DPF3: variants seen among roughly 807,000 people sequenced by gnomAD.
DPF3 encodes the protein double PHD fingers 3.
Under a neutral mutation model 56.8 loss-of-function variants are expected in DPF3, and 18 were observed. That is an observed-to-expected ratio of 0.32 (90% CI 0.22 to 0.47). The LOEUF is 0.47. Among genes scored for constraint, DPF3 ranks in the 20% least tolerant of loss-of-function variants. The pLI, the probability that DPF3 is intolerant of heterozygous loss-of-function variation, is 1.00. For missense variants in DPF3, 403 were observed against 488.8 expected (o/e 0.82, Z 1.65); for synonymous variants, 188 against 180.2 (o/e 1.04, Z -0.35).
intron 1 of DPF3, among the ~76,000 whole-genome samples, chr14:72,882,902 AG>A (rs1886373969): frequency 6.6e-6 from 1 of 152,174 alleles, no homozygotes; most frequent in Admixed American, 6.5e-5. Flanking sequence ...CCAAAAAACA[AG>A]GGTCTAGGAG....
chr14:72,842,536 T>A lies in DPF3; in HGVS notation c.32+51521A>T, dbSNP rs1227260142. 2.0e-5 allele frequency among the ~76,000 whole-genome samples: 3 copies of A among 152,000 alleles called. No homozygotes were observed. In the East Asian group the frequency reaches 5.8e-4, roughly 29 times the overall value. On this transcript the variant is annotated intron_variant, in intron 1 of 10. Transcript: ENST00000556509. ...TTAGACTCAGAATAGTCACCCTTGG[T>A]GGGATGGGGTAGGGAGCGTTGGGGT...
At chr14:72,672,501 G>A (rs1337485676) in intron 8 of DPF3, among the ~76,000 whole-genome samples, 4 of 152,116 alleles carry the variant, frequency 2.6e-5, no homozygotes, top group African/African-American at 9.7e-5. Flanking sequence ...AACTATTTCA[G>A]GAACATTAGA....
At chr14:72,759,353 G>A (rs1026963226) in intron 2 of DPF3, among the ~76,000 whole-genome samples, 66 of 152,180 alleles carry the variant, frequency 4.3e-4, no homozygotes, top group African/African-American at 1.6e-3. Context: ...TTGAAGAAAG[G>A]GAAGAAAAAA....
intron 8 of DPF3, among the ~76,000 whole-genome samples, chr14:72,643,035 G>A (rs1885608067): frequency 6.6e-6 from 1 of 152,190 alleles, no homozygotes; most frequent in African/African-American, 2.4e-5. Context: ...AAGAAGTTGA[G>A]GCTCAGAATG....
intron 1 of DPF3, among the ~76,000 whole-genome samples, chr14:72,868,338 G>A (rs1358722542): frequency 6.6e-6 from 1 of 152,132 alleles, no homozygotes; most frequent in Non-Finnish European, 1.5e-5. Context: ...GCATTTTTGA[G>A]GGGCCTAAAG....
At chr14:72,865,921 C>G (rs1885644306) in intron 1 of DPF3, among the ~76,000 whole-genome samples, 1 of 152,102 alleles carries the variant, frequency 6.6e-6, no homozygotes, top group Non-Finnish European at 1.5e-5. Context: ...GTGATGTGCA[C>G]CTGTAATCCC....
intron 8 of DPF3, among the ~76,000 whole-genome samples, chr14:72,658,211 A>G (rs1886109567): frequency 6.6e-6 from 1 of 152,204 alleles, no homozygotes; most frequent in South Asian, 2.1e-4. Context: ...CCCATTCTTT[A>G]TGAGTGCTTA....
chr14:72,869,695 G>A (rs1364957932), intron 1 of DPF3, among the ~76,000 whole-genome samples: 3 of 152,020 alleles, frequency 2.0e-5, no homozygotes, highest in African/African-American at 7.2e-5. Flanking sequence ...AAGAGGGCTG[G>A]GAGAGAGAGA....
At chr14:72,747,806 GT>G (rs1890388208) in intron 3 of DPF3, among the ~76,000 whole-genome samples, 2 of 152,040 alleles carry the variant, frequency 1.3e-5, no homozygotes, top group Non-Finnish European at 1.5e-5. Flanking sequence ...AGATCTGATG[GT>G]TTTAAAAACA....
intron 6 of DPF3, among the ~76,000 whole-genome samples, chr14:72,707,197 G>A (rs1327904758): frequency 2.0e-5 from 3 of 152,118 alleles, no homozygotes; most frequent in Admixed American, 1.3e-4. Flanking sequence ...TGGTGTACAT[G>A]TGCCACATTT....
chr14:72,865,773 G>T (rs1567263110), intron 1 of DPF3, among the ~76,000 whole-genome samples: 1 of 152,208 alleles, frequency 6.6e-6, no homozygotes. Flanking sequence ...TAGGCCGGGT[G>T]CATCGGCTCA....
At chr14:72,751,851 C>T (rs1445385184) in intron 3 of DPF3, among the ~76,000 whole-genome samples, 2 of 152,060 alleles carry the variant, frequency 1.3e-5, no homozygotes, top group Admixed American at 6.5e-5. Flanking sequence ...CTAGGAGAAC[C>T]TGATCTCCTA....
intron 9 of DPF3, among the ~76,000 whole-genome samples, chr14:72,626,408 T>C (rs1884832097): frequency 6.6e-6 from 1 of 152,166 alleles, no homozygotes; most frequent in Non-Finnish European, 1.5e-5. Context: ...TTATGTCTCT[T>C]TTTTCTTACA....
rs74060872 is a variant in DPF3 at position 72,891,024 on chromosome 14, G to A, written c.32+3033C>T. Among the ~76,000 whole-genome samples, 883 of 152,314 alleles carry A rather than the reference G, an allele frequency of 5.8e-3. 12 individuals carry two copies. Among genetic ancestry groups the A allele is most frequent in the African/African-American group, 0.02 (843 of 41,570 alleles). On this transcript the variant is annotated intron_variant, in intron 1 of 10. Coordinates refer to ENST00000556509, the MANE Select transcript of DPF3 (RefSeq NM_001280542.3). ...CAGGAAGAAAGCCAAATTGCTAAGAGAGGAGATGTGGCTTCAGGAGCTTGG... is the reference window on the plus strand; with the variant it reads ...CAGGAAGAAAGCCAAATTGCTAAGAAAGGAGATGTGGCTTCAGGAGCTTGG...
chr14:72,691,482 C>T (rs1887677262), intron 7 of DPF3, among the ~76,000 whole-genome samples: 1 of 152,108 alleles, frequency 6.6e-6, no homozygotes, highest in East Asian at 1.9e-4. Flanking sequence ...TAATCCCAGC[C>T]CTTTGGGAAG....
At chr14:72,710,203 C>G (rs891225398) in intron 6 of DPF3, among the ~76,000 whole-genome samples, 1 of 152,204 alleles carries the variant, frequency 6.6e-6, no homozygotes, top group African/African-American at 2.4e-5. Context: ...AACTTTCTAG[C>G]AGCCCAAACC....
At chr14:72,703,163 C>T (rs1888249683) in intron 6 of DPF3, among the ~76,000 whole-genome samples, 1 of 152,154 alleles carries the variant, frequency 6.6e-6, no homozygotes, top group South Asian at 2.1e-4. Flanking sequence ...CATCCACCTC[C>T]CCCCACCCCA....
At chr14:72,819,120 G>A (rs1883417677) in intron 1 of DPF3, among the ~76,000 whole-genome samples, 2 of 152,162 alleles carry the variant, frequency 1.3e-5, no homozygotes, top group African/African-American at 4.8e-5. Context: ...CAGTCATTAG[G>A]GAAATGCCCA....
chr14:72,798,803 G>T (rs1164647784), intron 1 of DPF3, among the ~76,000 whole-genome samples: 2 of 152,216 alleles, frequency 1.3e-5, no homozygotes, highest in African/African-American at 4.8e-5. Context: ...CCCAGGTCTG[G>T]CACTGCTAAA....
Sources: gnomAD v4.1 joint callset for allele counts (sites outside exome capture counted in the v4.1 genomes callset) on GRCh38, gnomAD v4.1.1 for gene constraint, MANE v1.5 for transcripts, NCBI Gene and HGNC (gene_info 2026-07-23, HGNC 2026-07-21) for gene names.